Variants in UGT1A4 observed in about 807,000 individuals in gnomAD.
The protein encoded by UGT1A4 is UDP glucuronosyltransferase family 1 member A4.
Under a neutral mutation model 41.1 loss-of-function variants are expected in UGT1A4, and 32 were observed. The ratio of observed to expected loss-of-function variants is 0.78; its 90% CI spans 0.59 to 1.05. The LOEUF is 1.05. UGT1A4 is among the 50% of genes least tolerant of loss of function. UGT1A4 has a pLI of 0.00. For synonymous variants in UGT1A4, 283 were observed against 265.1 expected, an observed-to-expected ratio of 1.07 and a Z score of -0.66; for missense variants, 748 against 677.4, an observed-to-expected ratio of 1.10 and a Z score of -1.16.
intron 1 of UGT1A4, among the ~76,000 whole-genome samples, chr2:233,739,686 T>A (rs558118355): frequency 4.6e-5 from 7 of 152,354 alleles, no homozygotes; most frequent in Admixed American, 4.6e-4. Context: ...ACTAACTTGT[T>A]TTTGATTTTA....
rs28898610 is a variant in UGT1A4 at position 233,719,159 on chromosome 2, T to A, written c.339T>A (p.Ser113Arg). 4 of 1,614,122 alleles carry A rather than the reference T, an allele frequency of 2.5e-6. No homozygotes were observed. Among genetic ancestry groups the A allele is most frequent in the Non-Finnish European group, 3.4e-6 (4 of 1,180,054 alleles). Residue 113 changes from serine to arginine, a missense_variant, in exon 1 of 5, where the codon AGT (serine) becomes AGA (arginine). Coordinates refer to ENST00000373409, the MANE Select transcript of UGT1A4 (RefSeq NM_007120.3). ...ATCTTCTGAAGAGATATTCTAGAAGTATGGCAATTATGAACAATGTATCTT... is the reference window on the plus strand; with the variant it reads ...ATCTTCTGAAGAGATATTCTAGAAGAATGGCAATTATGAACAATGTATCTT... ...TEHLLKRYSR[S>R]MAIMNNVSLA...
intron 1 of UGT1A4, among the ~76,000 whole-genome samples, chr2:233,739,561 C>T (rs1384558605): frequency 1.3e-5 from 2 of 152,192 alleles, no homozygotes; most frequent in African/African-American, 4.8e-5. Flanking sequence ...TAATGACTGC[C>T]CTGCCTGGTT....
rs932840161 is a variant in UGT1A4, at chr2:233,740,624, G to A, written c.867+20937G>A. ...TCTCCAGGTCTCTTGGGGCTCACAG[G>A]GTCATGCCTTTCCTTGCCCAGTGTA... On this transcript the variant is annotated intron_variant, in intron 1 of 4. Coordinates refer to ENST00000373409, the MANE Select transcript of UGT1A4 (RefSeq NM_007120.3). 1.3e-5 allele frequency: 2 copies of A among 151,796 alleles called. 1 individual carries two copies. Among genetic ancestry groups the A allele is most frequent in the African/African-American group, 4.9e-5 (2 of 41,062 alleles). 9.4% of individuals were successfully genotyped at this position (151,796 alleles called of 1,614,324 possible).
At chr2:233,720,001 A>G (rs904856) in intron 1 of UGT1A4, among the ~76,000 whole-genome samples, 12,162 of 152,212 alleles carry the variant, frequency 0.08, 620 homozygotes, top group East Asian at 0.2. Context: ...CACTACATTC[A>G]GAACTGATCC....
At chr2:233,765,924 G>A (rs1285485148) in intron 1 of UGT1A4, among the ~76,000 whole-genome samples, 9 of 152,180 alleles carry the variant, frequency 5.9e-5, no homozygotes, top group Middle Eastern at 3.4e-3. Context: ...GCATACAGAC[G>A]GGCAGGTTGT....
At chr2:233,720,705 T>C (rs1394556391) in intron 1 of UGT1A4, among the ~76,000 whole-genome samples, 4 of 134,894 alleles carry the variant, frequency 3.0e-5, no homozygotes, top group Admixed American at 7.2e-5. Context: ...GGAGCCATCC[T>C]TTTTTTTTTT....
intron 1 of UGT1A4, among the ~76,000 whole-genome samples, chr2:233,730,968 A>T (rs552248982): frequency 2.6e-5 from 4 of 152,134 alleles, no homozygotes; most frequent in East Asian, 1.9e-4. Context: ...GTACTCTGGG[A>T]CCTGAATATT....
chr2:233,729,302 T>A, intron 1 of UGT1A4: 1 of 1,614,250 alleles, frequency 6.2e-7, no homozygotes, highest in Non-Finnish European at 8.5e-7. Context: ...CACCAGGCAG[T>A]GGTCCTCACC....
intron 1 of UGT1A4, among the ~76,000 whole-genome samples, chr2:233,720,036 T>C (rs2076824550): frequency 6.6e-6 from 1 of 152,194 alleles, no homozygotes; most frequent in Admixed American, 6.5e-5. Context: ...GCTTGCCTGA[T>C]TTTCAGCTGA....
rs750446316 is a variant in UGT1A4, at chr2:233,729,731, C to T, written c.867+10044C>T. On this transcript the variant is annotated intron_variant, in intron 1 of 4. Coordinates refer to ENST00000373409, the MANE Select transcript of UGT1A4 (RefSeq NM_007120.3). ...ATTCCTAGATTACTAACAACCAATT[C>T]AGACCACATGACATTCATGCAAAGG... The T allele has an allele frequency of 2.3e-5, 37 of 1,613,888 alleles. No homozygotes were observed. The Middle Eastern group carries it at 1.3e-3, about 57-fold the overall frequency.
chr2:233,768,154 C>T (rs767452412), intron 3 of UGT1A4, 66 bp from the exon 4 acceptor site: 203 of 1,612,642 alleles, frequency 1.3e-4, no homozygotes, highest in Non-Finnish European at 1.7e-4. Flanking sequence ...TTTTCAGAAC[C>T]TAGATGTGTC....
chr2:233,730,990 C>T (rs2078094709), intron 1 of UGT1A4, among the ~76,000 whole-genome samples: 1 of 152,140 alleles, frequency 6.6e-6, no homozygotes, highest in Non-Finnish European at 1.5e-5. Context: ...TTTCTTATTC[C>T]TTGCTGTGCC....
At position 233,719,137 on chromosome 2, in the gene UGT1A4, T is replaced by G. The variant is rs1197566998; in HGVS notation, c.317T>G (p.Leu106Arg). ...CAAGGGTTCTTTGAAACAGAACATC[T>G]TCTGAAGAGATATTCTAGAAGTATG... The part of the protein sequence containing the change: ...YTQGFFETEH[L>R]LKRYSRSMAI... The change falls in exon 1 of 5, where the codon CTT becomes CGT. Residue 106 changes from leucine to arginine, a missense_variant. Physicochemically the swap from Leu to Arg is moderately radical, Grantham distance 102. Coordinates refer to ENST00000373409, the MANE Select transcript of UGT1A4 (RefSeq NM_007120.3). The G allele has an allele frequency of 6.2e-7, 1 of 1,614,254 alleles. No homozygotes were observed. Among genetic ancestry groups the G allele is most frequent in the Non-Finnish European group, 8.5e-7 (1 of 1,180,046 alleles).
At chr2:233,756,599 C>A (rs1235444943) in intron 1 of UGT1A4, among the ~76,000 whole-genome samples, 2 of 152,080 alleles carry the variant, frequency 1.3e-5, no homozygotes, top group Non-Finnish European at 2.9e-5. Flanking sequence ...TTTACTGTAT[C>A]GAAACCATTA....
intron 1 of UGT1A4, chr2:233,747,336 G>A (rs1693629813): frequency 6.2e-7 from 1 of 1,603,524 alleles, no homozygotes; most frequent in Admixed American, 1.7e-5. Flanking sequence ...GCAGCCACTG[G>A]CTCGCATGCG....
intron 1 of UGT1A4, among the ~76,000 whole-genome samples, chr2:233,720,042 G>A (rs1048137470): frequency 2.6e-5 from 4 of 152,186 alleles, no homozygotes; most frequent in Non-Finnish European, 5.9e-5. Flanking sequence ...CTGATTTTCA[G>A]CTGAACGGTG....
At chr2:233,763,063 T>C (rs1220667382) in intron 1 of UGT1A4, among the ~76,000 whole-genome samples, 1 of 152,230 alleles carries the variant, frequency 6.6e-6, no homozygotes, top group Admixed American at 6.5e-5. Flanking sequence ...TTTAGATAAT[T>C]TCCTTCTTTG....
chr2:233,749,095 G>A (rs535774350), intron 1 of UGT1A4, among the ~76,000 whole-genome samples: 9 of 151,904 alleles, frequency 5.9e-5, no homozygotes, highest in Admixed American at 5.2e-4. Context: ...TGTATTTCAT[G>A]AGAGAATTCA....
intron 1 of UGT1A4, among the ~76,000 whole-genome samples, chr2:233,744,630 C>T (rs1387499679): frequency 6.6e-6 from 1 of 151,854 alleles, no homozygotes. Context: ...GAGGTGGATT[C>T]TCATGTCAGC....
Sources: allele counts gnomAD v4.1 joint callset (sites outside exome capture counted in the v4.1 genomes callset), GRCh38; gene constraint gnomAD v4.1.1; transcripts MANE v1.5; gene names NCBI Gene and HGNC (gene_info 2026-07-23, HGNC 2026-07-21).